The following MCF2L2 variants were observed in gnomAD, a reference collection of about 807,000 sequenced individuals.
MCF2L2 encodes the protein MCF.2 cell line derived transforming sequence-like 2, also known as probable guanine nucleotide exchange factor MCF2L2.
A neutral mutation model predicts 150.2 loss-of-function variants in MCF2L2; 102 were observed. The observed-to-expected ratio is 0.68, with a 90% CI of 0.58 to 0.80. The LOEUF (loss-of-function observed/expected upper bound fraction) is 0.80. MCF2L2 is among the 30% of genes least tolerant of loss of function. The pLI is 0.00. For synonymous variants in MCF2L2, 465 were observed against 491.3 expected, an observed-to-expected ratio of 0.95 and a Z score of 0.71; for missense variants, 1,256 against 1,372.8, an observed-to-expected ratio of 0.91 and a Z score of 1.34.
chr3:183,399,739 G>T (rs892600082), intron 1 of MCF2L2, among the ~76,000 whole-genome samples: 8 of 152,148 alleles, frequency 5.3e-5, no homozygotes, highest in African/African-American at 1.9e-4. Flanking sequence ...TTTAATAGAA[G>T]AAATATAGAA....
intron 27 of MCF2L2, chr3:183,192,701 T>C: frequency 3.3e-6 from 1 of 305,626 alleles, no homozygotes; most frequent in Non-Finnish European, 6.0e-6. Flanking sequence ...CATTTGATAT[T>C]TGGACAGCAG....
At chr3:183,416,847 C>T (rs555067857) in intron 1 of MCF2L2, among the ~76,000 whole-genome samples, 56 of 152,188 alleles carry the variant, frequency 3.7e-4, no homozygotes, top group Non-Finnish European at 6.2e-4. Flanking sequence ...TGGTGGCTCA[C>T]ACCTGTAATC....
intron 22 of MCF2L2, among the ~76,000 whole-genome samples, chr3:183,214,054 C>T (rs1324532584): frequency 6.6e-6 from 1 of 152,172 alleles, no homozygotes; most frequent in Non-Finnish European, 1.5e-5. Flanking sequence ...GAAATTAGGG[C>T]AGAATGTTAT....
At chr3:183,193,460 C>T (rs1291735220) in intron 26 of MCF2L2, among the ~76,000 whole-genome samples, 4 of 151,888 alleles carry the variant, frequency 2.6e-5, no homozygotes, top group Non-Finnish European at 5.9e-5. Flanking sequence ...ACGCCATTCT[C>T]CTGCCTCAGC....
intron 10 of MCF2L2, among the ~76,000 whole-genome samples, chr3:183,304,591 G>T (rs557632475): frequency 6.7e-6 from 1 of 149,724 alleles, no homozygotes; most frequent in Non-Finnish European, 1.5e-5. Flanking sequence ...TCAGCCTCCC[G>T]AGTAGCTGGG....
chr3:183,361,754 T>C (rs1008880496), intron 3 of MCF2L2, among the ~76,000 whole-genome samples: 9 of 152,260 alleles, frequency 5.9e-5, no homozygotes, highest in South Asian at 2.1e-4. Flanking sequence ...AATAATGGCA[T>C]GTCTTATTAT....
At chr3:183,186,297 C>T (rs1721690132) in intron 27 of MCF2L2, among the ~76,000 whole-genome samples, 1 of 152,128 alleles carries the variant, frequency 6.6e-6, no homozygotes, top group Non-Finnish European at 1.5e-5. Flanking sequence ...TACTCTTGCC[C>T]AGGAGAGGTG....
At chr3:183,387,851 G>A (rs1383499315) in intron 2 of MCF2L2, among the ~76,000 whole-genome samples, 1 of 144,706 alleles carries the variant, frequency 6.9e-6, no homozygotes, top group African/African-American at 2.5e-5. Context: ...ATAATCACTC[G>A]AACCTGGGAG....
chr3:183,290,555 G>A (rs1728080052), intron 13 of MCF2L2, among the ~76,000 whole-genome samples: 1 of 150,454 alleles, frequency 6.6e-6, no homozygotes, highest in Non-Finnish European at 1.5e-5. Flanking sequence ...TTTTTTTTGA[G>A]ACAGAGTCTC....
Position 183,292,219 on chromosome 3 carries a change from A to T in MCF2L2, c.1676-2999T>A, listed in dbSNP as rs28610870. The stretch of plus-strand genomic sequence containing the variant: ...AAATTGTACTAAATGGAGAATTACC[A>T]AAACACCCCACAATTTTCATATAAA... On this transcript the variant is annotated intron_variant, in intron 13 of 29. Transcript: ENST00000328913. 2.6e-3 allele frequency among the ~76,000 whole-genome samples: 397 copies of T among 152,306 alleles called. 1 individual carries two copies. Among genetic ancestry groups the T allele is most frequent in the African/African-American group, 9.3e-3 (388 of 41,564 alleles).
rs746845913 is a variant in MCF2L2 at position 183,206,178 on chromosome 3, TC to T, written c.2748del (p.Ser917AlafsTer33). The T allele has an allele frequency of 6.2e-7, 1 of 1,614,044 alleles. No homozygotes were observed. Among genetic ancestry groups the T allele is most frequent in the East Asian group, 2.2e-5 (1 of 44,864 alleles). On this transcript the variant is annotated frameshift_variant, in exon 24 of 30. Transcript: ENST00000328913. LOFTEE classifies it high-confidence loss of function. ...CTGGCAATCTCAAACTTTCTATGGC[TC>T]CCCCTTCCAAGCTGGCGAATTGAAA... Reference protein sequence around the residue: ...MTLSIRQLGRGSHRKFEIASR... With the variant: ...MTLSIRQLGRXSHRKFEIASR...
rs184844813 is a variant in MCF2L2, at chr3:183,279,885, C to T, written c.1777-2928G>A. Among the ~76,000 whole-genome samples the T allele has an allele frequency of 1.9e-4, 29 of 152,202 alleles. 1 individual carries two copies. The highest frequency in any genetic ancestry group is 6.2e-4 in the South Asian group (3 of 4,824). On this transcript the variant is annotated intron_variant, in intron 14 of 29. Transcript: ENST00000328913. ...CTCTACTAAAAATACAAAAATTAGC[C>T]GGGCATAGTGGCGCATGTCTGTAGT...
chr3:183,312,048 G>T (rs1457344551), intron 7 of MCF2L2, among the ~76,000 whole-genome samples: 3 of 152,126 alleles, frequency 2.0e-5, no homozygotes, highest in Non-Finnish European at 2.9e-5. Flanking sequence ...AGCTATTGTT[G>T]TAAATTAAAA....
At chr3:183,205,825 G>A (rs751545330) in intron 25 of MCF2L2, 51 bp downstream of exon 25, 4 of 1,397,888 alleles carry the variant, frequency 2.9e-6, no homozygotes, top group Admixed American at 1.8e-5. Flanking sequence ...ATCCCCCACT[G>A]AGCTGAAATC....
At chr3:183,381,017 G>A (rs1347342107) in intron 2 of MCF2L2, among the ~76,000 whole-genome samples, 1 of 152,236 alleles carries the variant, frequency 6.6e-6, no homozygotes, top group East Asian at 1.9e-4. Flanking sequence ...TTTTGGCCTA[G>A]GGGGGCCATG....
chr3:183,314,931 T>C (rs79977707), intron 7 of MCF2L2, among the ~76,000 whole-genome samples: 2,262 of 4,042 alleles, frequency 0.56, 403 homozygotes, highest in African/African-American at 0.62. Context: ...TTTTTTTTTT[T>C]TTTTTTTTTT....
At chr3:183,395,174 C>T (rs1029708584) in intron 1 of MCF2L2, among the ~76,000 whole-genome samples, 2 of 152,014 alleles carry the variant, frequency 1.3e-5, no homozygotes, top group Non-Finnish European at 2.9e-5. Flanking sequence ...ATCATGAGAA[C>T]ATAATAAAAA....
chr3:183,290,637 G>A (rs144572303), intron 13 of MCF2L2, among the ~76,000 whole-genome samples: 3,182 of 152,026 alleles, frequency 0.021, 64 homozygotes, highest in East Asian at 0.051. Context: ...AGGTTCAAGC[G>A]ATTCTTCTGC....
At chr3:183,364,829 A>C (rs1712430108) in intron 3 of MCF2L2, among the ~76,000 whole-genome samples, 1 of 152,188 alleles carries the variant, frequency 6.6e-6, no homozygotes, top group South Asian at 2.1e-4. Flanking sequence ...AGGTTACTTA[A>C]ATTAACCTCA....
Sources: allele counts gnomAD v4.1 joint callset (sites outside exome capture counted in the v4.1 genomes callset), GRCh38; gene constraint gnomAD v4.1.1; transcripts MANE v1.5; gene names NCBI Gene and HGNC (gene_info 2026-07-23, HGNC 2026-07-21).